SRRM4: variants seen among roughly 807,000 people sequenced by gnomAD.
SRRM4 encodes the protein serine/arginine repetitive matrix protein 4.
SRRM4 carries 33 observed loss-of-function variants against 68.9 expected under a neutral mutation model. The observed-to-expected ratio is 0.48, with a 90% CI of 0.36 to 0.64. The LOEUF is 0.64. Ranked by LOEUF, SRRM4 falls within the 30% of genes least tolerant of loss-of-function variation. SRRM4 has a pLI of 0.00. For missense variants in SRRM4, 817 were observed against 827.1 expected, an observed-to-expected ratio of 0.99 and a Z score of 0.15; for synonymous variants, 318 against 318.8, an observed-to-expected ratio of 1.00 and a Z score of 0.03.
intron 7 of SRRM4, among the ~76,000 whole-genome samples, chr12:119,129,190 T>C (rs1954278625): frequency 6.6e-6 from 1 of 151,994 alleles, no homozygotes; most frequent in South Asian, 2.1e-4. Context: ...TACCTTGCCC[T>C]GTCTATGTCT....
Position 119,102,307 on chromosome 12 carries a change from C to T in SRRM4, c.203C>T (p.Ala68Val). ...GPSEKLGQHL[A>V]TEPLGTNSWE... ...TCAGAAAAGCTGGGTCAGCATCTGG[C>T]CACCGAGCCCTTGGGCACCAACAGT... Residue 68 changes from alanine (A) to valine (V), a missense_variant, in exon 2 of 13, where the codon GCC becomes GTC. By Grantham distance (64) the Ala-to-Val change is moderately conservative (BLOSUM62 0). Transcript: ENST00000267260. 1 of 1,613,590 alleles carries T rather than the reference C, an allele frequency of 6.2e-7. No homozygotes were observed. Among genetic ancestry groups the T allele is most frequent in the Non-Finnish European group, 8.5e-7 (1 of 1,179,734 alleles).
rs756719236 is a variant in SRRM4, at chr12:119,125,440, C to T, written c.575C>T (p.Ser192Phe). 2.5e-6 allele frequency: 4 copies of T among 1,613,384 alleles called. No homozygotes were observed. The highest frequency in any genetic ancestry group is 1.6e-4 in the Middle Eastern group (1 of 6,084). Residue 192 changes from serine (S) to phenylalanine (F), a missense_variant, in exon 7 of 13, where the codon TCC (serine) becomes TTC (phenylalanine). Physicochemically the swap from Ser to Phe is radical, Grantham distance 155. Coordinates refer to ENST00000267260, the MANE Select transcript of SRRM4 (RefSeq NM_194286.4). ...RHRHHRCPSR[S>F]QSSESRPSSC... Reference sequence around the variant, plus strand: ...CGCCATCACCGCTGCCCCTCGCGGTCCCAGAGCTCGGAGTCCCGCCCCTCA... The same window carrying T: ...CGCCATCACCGCTGCCCCTCGCGGTTCCAGAGCTCGGAGTCCCGCCCCTCA...
chr12:118,982,121 TTTCCC>T, intron 1 of SRRM4, 108 bp downstream of exon 1: 1 of 1,388,030 alleles, frequency 7.2e-7, no homozygotes, highest in Non-Finnish European at 9.7e-7. Flanking sequence ...GCGCCTGTCT[TTTCCC>T]GTCACTACTC....
At chr12:119,059,032 T>C (rs940191792) in intron 1 of SRRM4, among the ~76,000 whole-genome samples, 2 of 152,166 alleles carry the variant, frequency 1.3e-5, no homozygotes, top group South Asian at 2.1e-4. Flanking sequence ...GAGACACCTC[T>C]GCCCAGCCCT....
At chr12:119,111,670 A>G (rs1426870493) in intron 2 of SRRM4, among the ~76,000 whole-genome samples, 1 of 152,136 alleles carries the variant, frequency 6.6e-6, no homozygotes, top group African/African-American at 2.4e-5. Context: ...AAGCTCAATT[A>G]TTTCATTCAT....
intron 1 of SRRM4, among the ~76,000 whole-genome samples, chr12:119,003,612 A>G (rs1953399009): frequency 6.6e-6 from 1 of 151,918 alleles, no homozygotes. Flanking sequence ...TGGCTAAGAT[A>G]CCACACCCAG....
chr12:119,126,014 CTTTTTTTT>C (rs34680171), intron 7 of SRRM4, among the ~76,000 whole-genome samples: 1,507 of 71,148 alleles, frequency 0.021, 51 homozygotes, highest in African/African-American at 0.082. Flanking sequence ...ATACTAGCTG[CTTTTTTTT>C]TTTTTTTTTT....
intron 1 of SRRM4, among the ~76,000 whole-genome samples, chr12:119,017,103 T>C (rs1157396598): frequency 2.0e-5 from 3 of 152,248 alleles, no homozygotes; most frequent in Admixed American, 2.0e-4. Flanking sequence ...ATGGAGTTCA[T>C]ATCACCACAG....
intron 1 of SRRM4, among the ~76,000 whole-genome samples, chr12:119,075,020 A>G (rs1413976890): frequency 6.6e-6 from 1 of 152,206 alleles, no homozygotes; most frequent in Non-Finnish European, 1.5e-5. Flanking sequence ...GAGGACTCCA[A>G]GGGAACGGGG....
chr12:119,089,290 C>T (rs1490910652), intron 1 of SRRM4, among the ~76,000 whole-genome samples: 2 of 152,194 alleles, frequency 1.3e-5, no homozygotes, highest in African/African-American at 2.4e-5. Context: ...AATCATGAAG[C>T]TGACTGCCTA....
chr12:119,010,152 A>C (rs1225649685), intron 1 of SRRM4, among the ~76,000 whole-genome samples: 1 of 152,188 alleles, frequency 6.6e-6, no homozygotes, highest in East Asian at 1.9e-4. Flanking sequence ...TCCCAGGTTC[A>C]AGCAATTCTC....
intron 1 of SRRM4, among the ~76,000 whole-genome samples, chr12:119,048,710 A>C (rs1953722991): frequency 6.6e-6 from 1 of 152,144 alleles, no homozygotes; most frequent in South Asian, 2.1e-4. Context: ...TGATCACTTG[A>C]GGTCAGGAGT....
intron 1 of SRRM4, among the ~76,000 whole-genome samples, chr12:118,988,844 T>C (rs1357050174): frequency 6.6e-6 from 1 of 151,904 alleles, no homozygotes; most frequent in Non-Finnish European, 1.5e-5. Context: ...GAATAGAGGG[T>C]GAGGGAATGA....
At chr12:118,990,413 A>G (rs1200688209) in intron 1 of SRRM4, among the ~76,000 whole-genome samples, 2 of 152,140 alleles carry the variant, frequency 1.3e-5, no homozygotes, top group South Asian at 2.1e-4. Flanking sequence ...AGGGTTCGGC[A>G]TTGTCCTATT....
chr12:119,070,382 G>A (rs1240224165), intron 1 of SRRM4, among the ~76,000 whole-genome samples: 1 of 152,122 alleles, frequency 6.6e-6, no homozygotes, highest in African/African-American at 2.4e-5. Flanking sequence ...CTAAGTTATA[G>A]ATCCCCGGAT....
intron 8 of SRRM4, among the ~76,000 whole-genome samples, chr12:119,141,145 G>A (rs1389339562): frequency 6.6e-6 from 1 of 152,174 alleles, no homozygotes; most frequent in Non-Finnish European, 1.5e-5. Flanking sequence ...GTTTCGCCAT[G>A]TTGGCCAGCC....
intron 2 of SRRM4, among the ~76,000 whole-genome samples, chr12:119,104,965 C>T (rs1954098046): frequency 9.1e-6 from 1 of 109,310 alleles, no homozygotes; most frequent in Admixed American, 1.1e-4. Flanking sequence ...GCAATCCCTC[C>T]CCCCTCCCCC....
intron 1 of SRRM4, among the ~76,000 whole-genome samples, chr12:119,101,649 G>T: frequency 6.6e-6 from 1 of 152,124 alleles, no homozygotes; most frequent in South Asian, 2.1e-4. Context: ...GAGATGTTGT[G>T]ACTGGACCCA....
At chr12:119,037,159 TG>T (rs1267658590) in intron 1 of SRRM4, among the ~76,000 whole-genome samples, 2 of 151,972 alleles carry the variant, frequency 1.3e-5, no homozygotes, top group Non-Finnish European at 2.9e-5. Context: ...GGGTGGGTCT[TG>T]GTTTGGTCTG....
Sources: allele counts gnomAD v4.1 joint callset (sites outside exome capture counted in the v4.1 genomes callset), GRCh38; gene constraint gnomAD v4.1.1; transcripts MANE v1.5; gene names NCBI Gene and HGNC (gene_info 2026-07-23, HGNC 2026-07-21).